The following NPLOC4 variants were observed in gnomAD, a reference collection of about 807,000 sequenced individuals.
NPLOC4 encodes the protein NPL4 homolog, ubiquitin recognition factor, also known as nuclear protein localization protein 4 homolog.
In NPLOC4, 18 loss-of-function variants were observed where a neutral mutation model predicts 80.6. The ratio of observed to expected loss-of-function variants is 0.22; its 90% confidence interval spans 0.15 to 0.33. NPLOC4 has a LOEUF of 0.33. Ranked by LOEUF, NPLOC4 falls within the 10% of genes least tolerant of loss-of-function variation. The pLI is 1.00. For missense variants in NPLOC4, 540 were observed against 786.1 expected, an observed-to-expected ratio of 0.69 and a Z score of 3.74; for synonymous variants, 313 against 301.5, an observed-to-expected ratio of 1.04 and a Z score of -0.39.
chr17:81,596,423 C>T (rs2034909930), intron 10 of NPLOC4, among the ~76,000 whole-genome samples, 181 bp from the exon 11 acceptor site: 1 of 152,136 alleles, frequency 6.6e-6, no homozygotes, highest in Non-Finnish European at 1.5e-5. Flanking sequence ...GCCTGGCCAA[C>T]ACACCAAAAC....
At chr17:81,560,814 T>G (rs1000609964) in intron 16 of NPLOC4, 10 of 152,250 alleles carry the variant, frequency 6.6e-5, no homozygotes, top group African/African-American at 2.4e-5. Context: ...GGCACGGTTT[T>G]GCCTCCCACT....
intron 12 of NPLOC4, among the ~76,000 whole-genome samples, chr17:81,573,992 G>A (rs1568123523): frequency 6.6e-6 from 1 of 152,226 alleles, no homozygotes; most frequent in African/African-American, 2.4e-5. Flanking sequence ...GGCTGTGATG[G>A]GGGCGCTAAA....
intron 1 of NPLOC4, among the ~76,000 whole-genome samples, chr17:81,635,933 T>C (rs1247294402): frequency 6.7e-6 from 1 of 149,942 alleles, no homozygotes; most frequent in East Asian, 2.0e-4. Context: ...GTTTTCTGAT[T>C]TGTCACTGAT....
intron 11 of NPLOC4, among the ~76,000 whole-genome samples, chr17:81,590,575 G>A (rs2034712231): frequency 6.6e-6 from 1 of 151,944 alleles, no homozygotes; most frequent in Admixed American, 6.6e-5. Flanking sequence ...CTAACTCCTG[G>A]CCCCATGTGA....
At chr17:81,592,813 G>A (rs1344811564) in intron 11 of NPLOC4, among the ~76,000 whole-genome samples, 3 of 152,028 alleles carry the variant, frequency 2.0e-5, no homozygotes, top group Admixed American at 6.6e-5. Flanking sequence ...GTGAAACCCC[G>A]TCTCTACAAA....
At position 81,613,449 on chromosome 17, in the gene NPLOC4, G is replaced by C. The variant is rs751583999; in HGVS notation, c.255C>G (p.Pro85=). 6.2e-7 allele frequency: 1 copy of C among 1,613,936 alleles called. No individual in the cohort carries two copies. The change falls in exon 4 of 17, where the codon CCC becomes CCG. Residue 85 remains proline (P), a synonymous_variant. Coordinates refer to ENST00000331134, the MANE Select transcript of NPLOC4 (RefSeq NM_017921.4). ...GAACTGACGTCTCCATTTCAGATGA[G>C]GGCCCAGCAAGGCTCGAGGGAAACA... The part of the protein sequence containing the change: ...LFLFPSSLAG[P]SSEMETSVPP...
chr17:81,628,214 AAAAAAAAAAG>A (rs781132006), intron 2 of NPLOC4, among the ~76,000 whole-genome samples: 4 of 124,460 alleles, frequency 3.2e-5, no homozygotes, highest in South Asian at 2.4e-4. Flanking sequence ...CCCTCTCATA[AAAAAAAAAAG>A]AAAAAAAAAA....
rs1327086020 is a variant in NPLOC4, at chr17:81,622,272, T to C, written c.103A>G (p.Lys35Glu). The C allele has an allele frequency of 1.9e-5, 30 of 1,612,294 alleles. No homozygotes were observed. The highest frequency in any genetic ancestry group is 2.3e-5 in the Non-Finnish European group (27 of 1,178,508). Residue 35 changes from lysine (K) to glutamate (E), a missense_variant, in exon 3 of 17, where the codon AAG becomes GAG. Physicochemically the swap from Lys to Glu is moderately conservative, Grantham distance 56. Transcript: ENST00000331134. ...CCATTATTTTGGAAGCCAAACTCCT[T>C]TGCAACCTAAAACAAGGCCCAAAGA... ...TAATFLKKVAKEFGFQNNGFS... is the reference protein window; with the variant it reads ...TAATFLKKVAEEFGFQNNGFS...
In NPLOC4 at chr17:81,567,521, A is replaced by G; in HGVS notation, c.1462T>C (p.Leu488=). The G allele has an allele frequency of 6.2e-7, 1 of 1,604,632 alleles. No homozygotes were observed. The highest frequency in any genetic ancestry group is 8.5e-7 in the Non-Finnish European group (1 of 1,171,794). ...GTATTCTGAGACAAATAGGTGGCCA[A>G]GCTATGGAAGTCCTAGAGGAATGGG... ...VLGETQDFHS[L]ATYLSQNTSS... The change falls in exon 15 of 17, where the codon TTG becomes CTG. Residue 488 remains leucine, a synonymous_variant. Transcript: ENST00000331134. This position sits in a 1 kb window ranked among gnomAD's most constrained non-coding sequence, Gnocchi z 4.5.
At chr17:81,594,958 C>CAA (rs892862900) in intron 11 of NPLOC4, among the ~76,000 whole-genome samples, 4 of 140,522 alleles carry the variant, frequency 2.8e-5, no homozygotes, top group African/African-American at 1.0e-4. Flanking sequence ...AACGAACAAA[C>CAA]AAAAAAAAAA....
chr17:81,598,696 G>A (rs558150815), intron 9 of NPLOC4, among the ~76,000 whole-genome samples: 70 of 152,222 alleles, frequency 4.6e-4, no homozygotes, highest in Admixed American at 3.5e-3. Context: ...GTGAATTCCT[G>A]CACCAGAAGC....
At chr17:81,597,685 A>C (rs940545410) in intron 9 of NPLOC4, among the ~76,000 whole-genome samples, 1 of 151,450 alleles carries the variant, frequency 6.6e-6, no homozygotes, top group African/African-American at 2.4e-5. Context: ...CAGGAGGCTG[A>C]GGCAGGAGAA....
chr17:81,607,049 T>G (rs1327889876), intron 6 of NPLOC4, among the ~76,000 whole-genome samples: 1 of 152,158 alleles, frequency 6.6e-6, no homozygotes. Context: ...AACACACAAC[T>G]ACTTTCCTAC....
intron 1 of NPLOC4, among the ~76,000 whole-genome samples, chr17:81,630,688 G>A (rs1332507454): frequency 2.0e-5 from 3 of 151,934 alleles, no homozygotes. Context: ...CAAGACCAGT[G>A]GGCAACATGG....
rs898827480 is a variant in NPLOC4 at position 81,559,098 on chromosome 17, T to C, written c.*161A>G. The C allele has an allele frequency of 4.0e-6, 3 of 755,500 alleles. No individual in the cohort carries two copies. The highest frequency in any genetic ancestry group is 1.8e-5 in the African/African-American group (1 of 56,596). The allele number at this position is 755,500 out of a possible 1,614,324, so 46.8% of individuals were successfully genotyped here. The stretch of plus-strand genomic sequence containing the variant: ...GGCGCCCGCTCTCCAGGGAGGAACG[T>C]GCTGAGAAGCTTCAGTGGGTCAGGG... On this transcript the variant is annotated 3_prime_UTR_variant, in exon 17 of 17. Transcript: ENST00000331134.
intron 1 of NPLOC4, among the ~76,000 whole-genome samples, chr17:81,635,357 TAA>T (rs10627051): frequency 1.1e-4 from 14 of 126,608 alleles, no homozygotes; most frequent in Non-Finnish European, 1.1e-4. Flanking sequence ...AAAATAAGGT[TAA>T]AAAAAAAAAA....
intron 8 of NPLOC4, among the ~76,000 whole-genome samples, chr17:81,604,283 C>T (rs2035139875): frequency 6.6e-6 from 1 of 152,084 alleles, no homozygotes; most frequent in Non-Finnish European, 1.5e-5. Context: ...AACCTGGACA[C>T]AGCAGACGAG....
chr17:81,633,568 T>C (rs967719965), intron 1 of NPLOC4, among the ~76,000 whole-genome samples: 1 of 152,124 alleles, frequency 6.6e-6, no homozygotes, highest in Non-Finnish European at 1.5e-5. Flanking sequence ...CAAAATGAAA[T>C]ACACAGGAAG....
intron 12 of NPLOC4, among the ~76,000 whole-genome samples, chr17:81,585,946 G>A (rs2034572307): frequency 6.6e-6 from 1 of 152,154 alleles, no homozygotes; most frequent in South Asian, 2.1e-4. Flanking sequence ...CTGAGATCAC[G>A]CCACTGCACT....
Sources: allele counts gnomAD v4.1 joint callset (sites outside exome capture counted in the v4.1 genomes callset), GRCh38; gene constraint gnomAD v4.1.1; non-coding constraint Gnocchi (gnomAD v3.1); transcripts MANE v1.5; gene names NCBI Gene and HGNC (gene_info 2026-07-23, HGNC 2026-07-21).